Variants in DCDC2 observed in about 807,000 individuals in gnomAD.
The protein encoded by DCDC2 is doublecortin domain-containing protein 2.
DCDC2 carries 40 observed loss-of-function variants against 50.2 expected under a neutral mutation model. The ratio of observed to expected loss-of-function variants is 0.80; its 90% CI spans 0.62 to 1.04. The LOEUF (loss-of-function observed/expected upper bound fraction) is 1.04. Ranked by LOEUF, DCDC2 falls within the 50% of genes least tolerant of loss-of-function variation. The pLI, the probability that DCDC2 is intolerant of heterozygous loss-of-function variation, is 0.00. For missense variants in DCDC2, 570 were observed against 581.9 expected (o/e 0.98, Z 0.21); for synonymous variants, 234 against 210.6 (o/e 1.11, Z -0.96).
chr6:24,381,960 G>A, the DCDC2 span, among the ~76,000 whole-genome samples: 815 of 53,176 alleles, frequency 0.015, 6 homozygotes, highest in Non-Finnish European at 0.022. Context: ...AGGAAAGAAA[G>A]AAGGAAGGAA....
chr6:24,307,615 A>G (rs1222977296), intron 2 of DCDC2, among the ~76,000 whole-genome samples: 4 of 152,202 alleles, frequency 2.6e-5, no homozygotes, highest in Admixed American at 6.5e-5. Flanking sequence ...CAAAATAATG[A>G]ATCAGTTTTC....
chr6:24,374,939 C>T, the DCDC2 span, among the ~76,000 whole-genome samples: 1 of 152,142 alleles, frequency 6.6e-6, no homozygotes, highest in Non-Finnish European at 1.5e-5. Flanking sequence ...TGACCAGTGT[C>T]CCCTCTGAGG....
chr6:24,305,638 G>T (rs560715472), intron 2 of DCDC2, among the ~76,000 whole-genome samples: 264 of 152,288 alleles, frequency 1.7e-3, no homozygotes, highest in African/African-American at 6.1e-3. Context: ...CTAGGGACAT[G>T]ATGGCTTTAG....
In DCDC2 at chr6:24,289,968, CTTCTTTTTTTTTTTTTTTTTTTT is replaced by C. The variant is rs1561760472; in HGVS notation, c.704+941_704+963del. ...AGATCCTGCAGCATGGGCCAGAGCT[CTTCTTTTTTTTTTTTTTTTTTTT>C]TTTTTTTTTTTTTTTTTTTTGAGAC... On this transcript the variant is annotated intron_variant, in intron 5 of 9. Transcript: ENST00000378454. Among the ~76,000 whole-genome samples, 11 of 100,824 alleles carry C rather than the reference CTTCTTTTTTTTTTTTTTTTTTTT, an allele frequency of 1.1e-4. 2 individuals carry two copies. The highest frequency in any genetic ancestry group is 2.9e-4 in the African/African-American group (8 of 27,222). 66.1% of individuals were successfully genotyped at this position (100,824 alleles called of 152,430 possible).
At chr6:24,215,358 G>T (rs1290595276) in intron 7 of DCDC2, among the ~76,000 whole-genome samples, 1 of 152,142 alleles carries the variant, frequency 6.6e-6, no homozygotes, top group Non-Finnish European at 1.5e-5. Context: ...CCAAGAATTT[G>T]AACTTGATCA....
chr6:24,216,482 C>A (rs1426752973), intron 7 of DCDC2, among the ~76,000 whole-genome samples: 1 of 152,188 alleles, frequency 6.6e-6, no homozygotes, highest in African/African-American at 2.4e-5. Flanking sequence ...AATCAGATTA[C>A]ACGGGGTTGT....
chr6:24,310,939 A>G (rs550934914), intron 2 of DCDC2, among the ~76,000 whole-genome samples: 2 of 152,248 alleles, frequency 1.3e-5, no homozygotes, highest in African/African-American at 4.8e-5. Flanking sequence ...CCCACAGCCC[A>G]AGGCCAGGTC....
chr6:24,202,763 A>C (rs1761616085), intron 8 of DCDC2, among the ~76,000 whole-genome samples: 1 of 152,208 alleles, frequency 6.6e-6, no homozygotes, highest in South Asian at 2.1e-4. Flanking sequence ...AATCTCCTTA[A>C]GCTGATAAGT....
intron 7 of DCDC2, among the ~76,000 whole-genome samples, chr6:24,264,098 A>G (rs1754377216): frequency 1.3e-5 from 2 of 152,200 alleles, no homozygotes; most frequent in African/African-American, 4.8e-5. Flanking sequence ...TTTAAAGTGA[A>G]GAAAAAAAAA....
At chr6:24,323,630 T>G (rs9366567) in intron 2 of DCDC2, among the ~76,000 whole-genome samples, 119,523 of 152,060 alleles carry the variant, frequency 0.79, 47,533 homozygotes, top group Non-Finnish European at 0.84. Context: ...ATAAAAGATC[T>G]AATACATAAG....
intron 8 of DCDC2, among the ~76,000 whole-genome samples, chr6:24,184,302 G>T (rs1344436499): frequency 6.6e-6 from 1 of 152,154 alleles, no homozygotes; most frequent in Non-Finnish European, 1.5e-5. Context: ...GCTGGGCATG[G>T]TGGCTCACGC....
At position 24,301,861 on chromosome 6, in the gene DCDC2, G is replaced by C; in HGVS notation, c.426-15C>G. On this transcript the variant is annotated splice_polypyrimidine_tract_variant and intron_variant, in intron 3 of 9. Transcript: ENST00000378454. The stretch of plus-strand genomic sequence containing the variant: ...TTGCAATCAAGCTGGAAAACAGGGG[G>C]CAAACCTTCTGAAACAGTTATGCCT... 6.2e-7 allele frequency: 1 copy of C among 1,614,040 alleles called. No individual in the cohort carries two copies. Among genetic ancestry groups the C allele is most frequent in the Non-Finnish European group, 8.5e-7 (1 of 1,180,002 alleles).
chr6:24,321,902 C>T (rs944983574), intron 2 of DCDC2, among the ~76,000 whole-genome samples: 5 of 152,148 alleles, frequency 3.3e-5, no homozygotes, highest in East Asian at 1.9e-4. Context: ...ACAAATGATG[C>T]TGTCAAGCCC....
intron 7 of DCDC2, among the ~76,000 whole-genome samples, chr6:24,267,130 A>T (rs942395675): frequency 6.6e-6 from 1 of 152,180 alleles, no homozygotes; most frequent in Non-Finnish European, 1.5e-5. Context: ...GAAGATACAG[A>T]GTAGAATGGT....
intron 2 of DCDC2, among the ~76,000 whole-genome samples, chr6:24,306,718 C>A (rs1759483012): frequency 6.6e-6 from 1 of 152,164 alleles, no homozygotes; most frequent in African/African-American, 2.4e-5. Flanking sequence ...ATCACCCTGT[C>A]TCTGACATCT....
chr6:24,352,471 C>T (rs1760391239), intron 2 of DCDC2, among the ~76,000 whole-genome samples: 1 of 152,140 alleles, frequency 6.6e-6, no homozygotes, highest in African/African-American at 2.4e-5. Context: ...AGCTACAAAG[C>T]CTATCACTTT....
chr6:24,195,463 G>A (rs1308858200), intron 8 of DCDC2, among the ~76,000 whole-genome samples: 2 of 152,100 alleles, frequency 1.3e-5, no homozygotes, highest in African/African-American at 4.8e-5. Context: ...CTTTCACAAT[G>A]GGAAGTAAAC....
intron 7 of DCDC2, among the ~76,000 whole-genome samples, chr6:24,257,850 A>AAAATAAGG (rs2113803665): frequency 6.6e-6 from 1 of 152,306 alleles, no homozygotes; most frequent in African/African-American, 2.4e-5. Context: ...GTCTGCATTA[A>AAAATAAGG]AAATAAGGAG....
chr6:24,320,304 A>C (rs2113851217), intron 2 of DCDC2, among the ~76,000 whole-genome samples: 1 of 152,116 alleles, frequency 6.6e-6, no homozygotes, highest in African/African-American at 2.4e-5. Flanking sequence ...GTACAAACTC[A>C]ATTTTTTGGT....
Sources: allele counts gnomAD v4.1 joint callset (sites outside exome capture counted in the v4.1 genomes callset), GRCh38; gene constraint gnomAD v4.1.1; transcripts MANE v1.5; gene names NCBI Gene and HGNC (gene_info 2026-07-23, HGNC 2026-07-21).